Variants in NCOR2 observed in about 807,000 individuals in gnomAD.
The protein encoded by NCOR2 is nuclear receptor corepressor 2.
Under a neutral mutation model 262.9 loss-of-function variants are expected in NCOR2, and 81 were observed. That is an observed-to-expected ratio of 0.31 (90% CI 0.26 to 0.37). The LOEUF (loss-of-function observed/expected upper bound fraction) is 0.37, where lower values mean the gene tolerates loss of function less well. NCOR2 is among the 10% of genes least tolerant of loss of function. NCOR2 has a pLI of 1.00. For synonymous variants in NCOR2, 1,659 were observed against 1,559.3 expected (o/e 1.06, Z -1.51); for missense variants, 3,385 against 3,621.4 (o/e 0.93, Z 1.68).
chr12:124,487,005 CCA>C (rs1376796817), intron 1 of NCOR2, among the ~76,000 whole-genome samples: 2 of 152,232 alleles, frequency 1.3e-5, no homozygotes, highest in Non-Finnish European at 2.9e-5. Flanking sequence ...CCCTCCCACC[CCA>C]TCCTACCCCT....
rs1196499546 is a variant in NCOR2, at chr12:124,548,469, C to T, written c.-164-12858G>A. ...GGCTACTGCAGTCGTCCAAGCCAGACGGCGACAGAGTGGGGGTCCATCATG... is the reference window on the plus strand; with the variant it reads ...GGCTACTGCAGTCGTCCAAGCCAGATGGCGACAGAGTGGGGGTCCATCATG... On this transcript the variant is annotated intron_variant, in intron 1 of 32. Coordinates refer to the NCOR2 transcript ENST00000458234. The surrounding 1 kb of genome is among the most constrained non-coding windows in gnomAD (Gnocchi z 5.1). Among the ~76,000 whole-genome samples, 5 of 152,180 alleles carry T rather than the reference C, an allele frequency of 3.3e-5. No homozygotes were observed. The South Asian group carries it at 6.3e-4, about 19-fold the overall frequency.
intron 44 of NCOR2, among the ~76,000 whole-genome samples, chr12:124,328,081 T>G (rs193255827): frequency 6.6e-6 from 1 of 151,994 alleles, no homozygotes. Flanking sequence ...GCTACCCTGT[T>G]TGGGGAACAG....
chr12:124,413,655 T>A (rs1419242850), intron 13 of NCOR2, among the ~76,000 whole-genome samples: 1 of 152,006 alleles, frequency 6.6e-6, no homozygotes, highest in Non-Finnish European at 1.5e-5. Context: ...CACAGCAGCC[T>A]CCACAGCAAC....
At chr12:124,325,396 T>G in exon 47 of NCOR2, 1 of 97,790 alleles carries the variant, frequency 1.0e-5, no homozygotes, top group South Asian at 1.2e-4. Context: ...CCCGCCCTGT[T>G]CTGAGTCACT....
chr12:124,470,850 AAAAC>A lies in NCOR2; in HGVS notation c.591+2098_591+2101del, dbSNP rs1419599873. Among the ~76,000 whole-genome samples, 6 of 152,260 alleles carry A rather than the reference AAAAC, an allele frequency of 3.9e-5. No homozygotes were observed. The East Asian group carries it at 5.8e-4, about 15-fold the overall frequency. ...TGCCAAAGTGGAATTTAGAGGGGAAAAAACAAACAAACAAAAACCTAACCATTGA... is the reference window on the plus strand; with the variant it reads ...TGCCAAAGTGGAATTTAGAGGGGAAAAAACAAACAAAAACCTAACCATTGA... On this transcript the variant is annotated intron_variant, in intron 4 of 46. Coordinates refer to ENST00000405201, the Ensembl canonical transcript of NCOR2.
At chr12:124,348,359 C>T in intron 28 of NCOR2, 45 bp from the exon 31 acceptor site, 1 of 1,558,426 alleles carries the variant, frequency 6.4e-7, no homozygotes, top group South Asian at 1.2e-5. Flanking sequence ...GGCACGGGCC[C>T]AGGACCACGG....
At chr12:124,414,938 A>C (rs1276514878) in intron 13 of NCOR2, among the ~76,000 whole-genome samples, 1 of 152,028 alleles carries the variant, frequency 6.6e-6, no homozygotes, top group East Asian at 1.9e-4. Flanking sequence ...ATGGCCAGGG[A>C]TTCCCATCTG....
In NCOR2 at chr12:124,503,122, A is replaced by G. The variant is rs1366510484; in HGVS notation, c.-117-7754T>C. 1.3e-5 allele frequency among the ~76,000 whole-genome samples: 2 copies of G among 152,232 alleles called. No homozygotes were observed. Among genetic ancestry groups the G allele is most frequent in the African/African-American group, 4.8e-5 (2 of 41,466 alleles). On this transcript the variant is annotated intron_variant, in intron 1 of 46. Transcript: ENST00000404621. This position sits in a 1 kb window ranked among gnomAD's most constrained non-coding sequence, Gnocchi z 4.3. ...TCTGCCCTCCAGCTGAGACCAGGCA[A>G]GCCAAACCCATCCCAAACTCCGGTT...
In NCOR2 at chr12:124,473,303, C is replaced by T. The variant is rs144394741; in HGVS notation, c.412-172G>A. 3.0e-3 allele frequency among the ~76,000 whole-genome samples: 458 copies of T among 152,310 alleles called. 2 individuals carry two copies. Among genetic ancestry groups the T allele is most frequent in the African/African-American group, 0.01 (432 of 41,552 alleles). On this transcript the variant is annotated intron_variant, in intron 3 of 46. Coordinates refer to ENST00000405201, the Ensembl canonical transcript of NCOR2. ...GGAGATTAACATTTGAGTCAGTGGG[C>T]TGGAGAAGGCAGACCCACCCTTAAT...
chr12:124,435,150 C>G (rs1036748272), intron 8 of NCOR2, among the ~76,000 whole-genome samples: 1 of 152,178 alleles, frequency 6.6e-6, no homozygotes. Flanking sequence ...ACTCCCAGAT[C>G]CGCACAAAGC....
In NCOR2 at chr12:124,516,519, C is replaced by T. The variant is rs190058259; in HGVS notation, c.-118+19046G>A. Among the ~76,000 whole-genome samples the T allele has an allele frequency of 1.1e-3, 169 of 152,298 alleles. 1 individual carries two copies. The highest frequency in any genetic ancestry group is 3.6e-3 in the African/African-American group (150 of 41,558). ...GAAGAAAAGAAAAATGGACGGAACT[C>T]GAACTTAAATCCAACCTTGTGGTTA... is the stretch of plus-strand genomic sequence containing the variant. On this transcript the variant is annotated intron_variant, in intron 1 of 46. Transcript: ENST00000404621.
At chr12:124,565,154 A>G (rs1166275453) in intron 1 of NCOR2, among the ~76,000 whole-genome samples, 1 of 152,162 alleles carries the variant, frequency 6.6e-6, no homozygotes, top group East Asian at 1.9e-4. Context: ...CCTGACAGCC[A>G]CATTACCATT....
intron 1 of NCOR2, among the ~76,000 whole-genome samples, chr12:124,492,030 C>G (rs570224812): frequency 6.6e-6 from 1 of 152,190 alleles, no homozygotes; most frequent in Non-Finnish European, 1.5e-5. Context: ...TCTGCAAGCA[C>G]CCAACTAAGT....
At chr12:124,546,993 A>T (rs1041445646) in intron 1 of NCOR2, among the ~76,000 whole-genome samples, 34 of 151,844 alleles carry the variant, frequency 2.2e-4, no homozygotes, top group Non-Finnish European at 4.9e-4. Flanking sequence ...TATTTTATTT[A>T]TTTTTATTTT....
At chr12:124,499,130 G>A (rs920599661), upstream of NCOR2, among the ~76,000 whole-genome samples, 2 of 152,230 alleles carry the variant, frequency 1.3e-5, no homozygotes, top group African/African-American at 4.8e-5. Context: ...GTTTGGAAGT[G>A]AATGCCAAAA....
chr12:124,386,024 G>A (rs2040776604), intron 16 of NCOR2, 137 bp from the exon 19 acceptor site: 1 of 1,131,392 alleles, frequency 8.8e-7, no homozygotes, highest in East Asian at 2.6e-5. Flanking sequence ...AGGACCTCTG[G>A]AAGAAGAGAC....
intron 13 of NCOR2, among the ~76,000 whole-genome samples, chr12:124,413,873 G>A (rs1226052997): frequency 1.3e-5 from 2 of 152,140 alleles, no homozygotes; most frequent in Non-Finnish European, 2.9e-5. Context: ...CAGGAGCTGA[G>A]GGACACATGG....
chr12:124,514,314 C>T (rs988259347), intron 1 of NCOR2: 1 of 152,246 alleles, frequency 6.6e-6, no homozygotes, highest in Non-Finnish European at 1.5e-5. Flanking sequence ...GACATCCAGC[C>T]TCCAGAACTG....
intron 16 of NCOR2, among the ~76,000 whole-genome samples, chr12:124,386,395 G>C (rs981525644): frequency 6.6e-6 from 1 of 152,064 alleles, no homozygotes; most frequent in African/African-American, 2.4e-5. Flanking sequence ...TGGTGAGCAG[G>C]GGATGGGAGG....
Sources: gnomAD v4.1 joint callset for allele counts (sites outside exome capture counted in the v4.1 genomes callset) on GRCh38, gnomAD v4.1.1 for gene constraint, Gnocchi (gnomAD v3.1) non-coding constraint, MANE v1.5 for transcripts, NCBI Gene and HGNC (gene_info 2026-07-23, HGNC 2026-07-21) for gene names.